GLIS3: variants seen among roughly 807,000 people sequenced by gnomAD.
The protein encoded by GLIS3 is zinc finger protein GLIS3.
Under a neutral mutation model 78.6 loss-of-function variants are expected in GLIS3, and 53 were observed. The ratio of observed to expected loss-of-function variants is 0.67; its 90% CI spans 0.54 to 0.85. The LOEUF (loss-of-function observed/expected upper bound fraction) is 0.85, where lower values mean the gene tolerates loss of function less well. GLIS3 is among the 40% of genes least tolerant of loss of function. GLIS3 has a pLI of 0.00. For missense variants in GLIS3, 1,703 were observed against 1,231.1 expected (o/e 1.38, Z -5.74); for synonymous variants, 684 against 509.9 (o/e 1.34, Z -4.60).
At chr9:4,468,459 G>A in the GLIS3 span, among the ~76,000 whole-genome samples, 69 of 152,324 alleles carry the variant, frequency 4.5e-4, no homozygotes, top group African/African-American at 1.5e-3. Context: ...CTACAAGCCA[G>A]AAGAGAGTGG....
chr9:3,986,472 T>G (rs934049252), intron 4 of GLIS3, among the ~76,000 whole-genome samples: 2 of 152,226 alleles, frequency 1.3e-5, no homozygotes, highest in Non-Finnish European at 2.9e-5. Flanking sequence ...TAGGAATACT[T>G]TTCTATCAGC....
At chr9:3,858,497 TATC>T (rs1014705534) in intron 8 of GLIS3, among the ~76,000 whole-genome samples, 1 of 152,144 alleles carries the variant, frequency 6.6e-6, no homozygotes, top group Non-Finnish European at 1.5e-5. Flanking sequence ...AGGAATAAAA[TATC>T]ATGGCTTCAA....
At chr9:4,454,290 C>A in the GLIS3 span, among the ~76,000 whole-genome samples, 2 of 152,136 alleles carry the variant, frequency 1.3e-5, no homozygotes, top group African/African-American at 2.4e-5. Context: ...CAGGCATGAG[C>A]CACCACAACT....
At chr9:3,841,087 G>T (rs1023162407) in intron 9 of GLIS3, among the ~76,000 whole-genome samples, 2 of 152,116 alleles carry the variant, frequency 1.3e-5, no homozygotes, top group Non-Finnish European at 2.9e-5. Context: ...GAGTGAGAAG[G>T]CAGCATGCTT....
intron 2 of GLIS3, among the ~76,000 whole-genome samples, chr9:4,166,321 G>A (rs1835889984): frequency 6.6e-6 from 1 of 152,210 alleles, no homozygotes; most frequent in South Asian, 2.1e-4. Context: ...TTGATACAGT[G>A]AAGGGTGGAA....
intron 4 of GLIS3, among the ~76,000 whole-genome samples, chr9:4,050,406 T>A (rs149442726): frequency 0.014 from 2,134 of 152,116 alleles, 54 homozygotes; most frequent in African/African-American, 0.044. Flanking sequence ...ATGAGAACAC[T>A]TGTACACAGG....
chr9:4,337,050 C>T (rs1817766332), intron 2 of GLIS3, among the ~76,000 whole-genome samples: 1 of 152,196 alleles, frequency 6.6e-6, no homozygotes, highest in South Asian at 2.1e-4. Context: ...TGAGATACTA[C>T]TTTTAACCTA....
the GLIS3 span, among the ~76,000 whole-genome samples, chr9:4,413,037 T>G: frequency 6.6e-6 from 1 of 152,228 alleles, no homozygotes. Context: ...TACTGAGATT[T>G]AGAGTTTGTC....
chr9:4,389,608 A>G, the GLIS3 span, among the ~76,000 whole-genome samples: 1 of 152,344 alleles, frequency 6.6e-6, no homozygotes, highest in African/African-American at 2.4e-5. Context: ...CCAGCTAAAT[A>G]TACTTCTTAG....
chr9:4,392,110 A>T, the GLIS3 span, among the ~76,000 whole-genome samples: 1 of 152,162 alleles, frequency 6.6e-6, no homozygotes, highest in Non-Finnish European at 1.5e-5. Flanking sequence ...ACATGGATGA[A>T]CCTGAAAGCA....
intron 2 of GLIS3, among the ~76,000 whole-genome samples, chr9:4,238,601 G>A (rs890971859): frequency 6.6e-6 from 1 of 152,184 alleles, no homozygotes; most frequent in Admixed American, 6.5e-5. Flanking sequence ...CTGGGAAGTA[G>A]AATAAGTTTT....
intron 4 of GLIS3, among the ~76,000 whole-genome samples, chr9:4,116,119 A>T (rs1831618686): frequency 6.6e-6 from 1 of 152,262 alleles, no homozygotes; most frequent in Non-Finnish European, 1.5e-5. Flanking sequence ...TTGCACAAAA[A>T]TTAATTTTGC....
At chr9:4,202,670 C>T (rs1327183160) in intron 2 of GLIS3, among the ~76,000 whole-genome samples, 2 of 152,056 alleles carry the variant, frequency 1.3e-5, no homozygotes, top group Non-Finnish European at 2.9e-5. Context: ...AATCTCAAAC[C>T]TGTAACCATC....
the GLIS3 span, among the ~76,000 whole-genome samples, chr9:4,396,476 T>A: frequency 1.3e-5 from 2 of 152,202 alleles, no homozygotes; most frequent in Non-Finnish European, 2.9e-5. Context: ...ATCCTCTAAC[T>A]GGACTTCACT....
chr9:4,471,208 C>T, the GLIS3 span, among the ~76,000 whole-genome samples: 1 of 152,158 alleles, frequency 6.6e-6, no homozygotes, highest in Non-Finnish European at 1.5e-5. Context: ...TCAATGCCAT[C>T]CCCATCAAGC....
chr9:4,054,979 T>A (rs1826027404), intron 4 of GLIS3, among the ~76,000 whole-genome samples: 2 of 152,222 alleles, frequency 1.3e-5, no homozygotes, highest in African/African-American at 4.8e-5. Flanking sequence ...TTAACAAGGA[T>A]CTGGCTAACG....
At chr9:3,894,314 G>C (rs1181391614) in intron 7 of GLIS3, among the ~76,000 whole-genome samples, 3 of 152,208 alleles carry the variant, frequency 2.0e-5, no homozygotes, top group Non-Finnish European at 2.9e-5. Context: ...TGGGAAATGT[G>C]TGTGGTAGTT....
intron 4 of GLIS3, among the ~76,000 whole-genome samples, chr9:4,053,399 C>T (rs1380900262): frequency 6.6e-6 from 1 of 152,142 alleles, no homozygotes; most frequent in Non-Finnish European, 1.5e-5. Context: ...CCTCCTCCCA[C>T]CCCAGGCACT....
chr9:4,238,250 G>A (rs577219981), intron 2 of GLIS3, among the ~76,000 whole-genome samples: 1 of 151,870 alleles, frequency 6.6e-6, no homozygotes, highest in Non-Finnish European at 1.5e-5. Context: ...GGAGGGAGGT[G>A]ATCTCTTAAT....
Sources: allele counts gnomAD v4.1 joint callset (sites outside exome capture counted in the v4.1 genomes callset), GRCh38; gene constraint gnomAD v4.1.1; transcripts MANE v1.5; gene names NCBI Gene and HGNC (gene_info 2026-07-23, HGNC 2026-07-21).